Variants in SCEL observed in about 807,000 individuals in gnomAD.
SCEL encodes the protein sciellin.
SCEL carries 113 observed loss-of-function variants against 117.6 expected under a neutral mutation model. The ratio of observed to expected loss-of-function variants is 0.96; its 90% CI spans 0.83 to 1.12. The LOEUF is 1.12. SCEL is among the 50% of genes most tolerant of loss of function. The pLI, the probability that SCEL is intolerant of heterozygous loss-of-function variation, is 0.00. For synonymous variants in SCEL, 270 were observed against 256.2 expected, an observed-to-expected ratio of 1.05 and a Z score of -0.51; for missense variants, 785 against 810.8, an observed-to-expected ratio of 0.97 and a Z score of 0.39.
chr13:77,615,271 AATCTCACAGTCAT>A (rs369314812), intron 24 of SCEL, among the ~76,000 whole-genome samples: 8 of 152,112 alleles, frequency 5.3e-5, no homozygotes, highest in African/African-American at 1.9e-4. Context: ...CAGGGGCAAA[AATCTCACAGTCAT>A]CTGTGAGATC....
intron 5 of SCEL, 147 bp downstream of exon 5, chr13:77,564,046 A>T (rs2085141469): frequency 3.6e-6 from 2 of 561,034 alleles, no homozygotes; most frequent in Non-Finnish European, 3.0e-6. Flanking sequence ...TAAGAATTGA[A>T]TTATCTTCTT....
At chr13:77,557,117 A>G (rs186746123) in intron 3 of SCEL, among the ~76,000 whole-genome samples, 78 of 152,350 alleles carry the variant, frequency 5.1e-4, no homozygotes, top group Middle Eastern at 3.4e-3. Flanking sequence ...CAAATTTAAC[A>G]TATAAAATTT....
intron 10 of SCEL, among the ~76,000 whole-genome samples, chr13:77,589,427 C>T (rs2086745983): frequency 1.3e-5 from 2 of 152,070 alleles, no homozygotes; most frequent in Admixed American, 1.3e-4. Flanking sequence ...GCTAACTTGT[C>T]TTAAGAAAAT....
At chr13:77,609,482 G>A (rs1310231307) in intron 21 of SCEL, among the ~76,000 whole-genome samples, 1 of 152,188 alleles carries the variant, frequency 6.6e-6, no homozygotes, top group Non-Finnish European at 1.5e-5. Flanking sequence ...ACCTGTGTGT[G>A]CTCAAACTAG....
chr13:77,626,861 A>G (rs184082878), intron 27 of SCEL, among the ~76,000 whole-genome samples: 3 of 152,306 alleles, frequency 2.0e-5, no homozygotes, highest in African/African-American at 7.2e-5. Context: ...ACTTGGTCAC[A>G]GAAGTAAGGA....
intron 3 of SCEL, among the ~76,000 whole-genome samples, chr13:77,559,245 A>G (rs2084837848): frequency 6.6e-6 from 1 of 152,206 alleles, no homozygotes; most frequent in Non-Finnish European, 1.5e-5. Context: ...TTATTTTAAC[A>G]ACTAACTAGA....
intron 8 of SCEL, among the ~76,000 whole-genome samples, chr13:77,569,810 T>A (rs2085492995): frequency 6.6e-6 from 1 of 152,222 alleles, no homozygotes; most frequent in South Asian, 2.1e-4. Context: ...ATGCCGCCTC[T>A]GCTCTGTGGA....
chr13:77,542,399 C>CAACAAACA (rs139263630), intron 1 of SCEL, among the ~76,000 whole-genome samples: 69 of 151,874 alleles, frequency 4.5e-4, no homozygotes, highest in African/African-American at 1.3e-3. Flanking sequence ...GATTCCGTCT[C>CAACAAACA]AACAAACAAA....
At chr13:77,589,681 C>G (rs908621133) in intron 10 of SCEL, among the ~76,000 whole-genome samples, 2 of 152,146 alleles carry the variant, frequency 1.3e-5, no homozygotes, top group Non-Finnish European at 2.9e-5. Flanking sequence ...TGTTACCACT[C>G]AAATCCTTGC....
At chr13:77,639,018 A>C (rs927475191) in intron 30 of SCEL, among the ~76,000 whole-genome samples, 2 of 152,016 alleles carry the variant, frequency 1.3e-5, no homozygotes. Context: ...CTGTCCACGT[A>C]CCTGTATTCC....
intron 20 of SCEL, among the ~76,000 whole-genome samples, chr13:77,608,436 T>C (rs2088392476): frequency 1.3e-5 from 2 of 152,006 alleles, no homozygotes; most frequent in South Asian, 4.2e-4. Flanking sequence ...CGTGTCTCTA[T>C]AAAAAATACA....
At chr13:77,604,814 G>A (rs1340416504) in intron 19 of SCEL, among the ~76,000 whole-genome samples, 1 of 152,154 alleles carries the variant, frequency 6.6e-6, no homozygotes, top group Non-Finnish European at 1.5e-5. Flanking sequence ...GTGTATGTGA[G>A]TGTATGTGCA....
At chr13:77,598,564 C>T (rs947383873) in intron 13 of SCEL, among the ~76,000 whole-genome samples, 2 of 152,178 alleles carry the variant, frequency 1.3e-5, no homozygotes. Context: ...AGAGCAAATG[C>T]CCTGTCTGAG....
chr13:77,642,482 C>T (rs965682502), intron 31 of SCEL, among the ~76,000 whole-genome samples: 2 of 152,128 alleles, frequency 1.3e-5, no homozygotes, highest in Non-Finnish European at 2.9e-5. Flanking sequence ...ATAAATGCAC[C>T]TTTGTGTTTT....
chr13:77,583,663 G>T (rs945326422), intron 9 of SCEL, among the ~76,000 whole-genome samples: 1 of 152,162 alleles, frequency 6.6e-6, no homozygotes, highest in African/African-American at 2.4e-5. Flanking sequence ...AAAAACAAGG[G>T]ATTTAACATC....
chr13:77,637,087 T>C, intron 29 of SCEL, 33 bp from the exon 30 acceptor site: 2 of 1,116,418 alleles, frequency 1.8e-6, no homozygotes, highest in East Asian at 2.7e-5. Flanking sequence ...GAAAATCACC[T>C]GATTCTCACA....
intron 1 of SCEL, among the ~76,000 whole-genome samples, chr13:77,550,629 C>T (rs1319283072): frequency 1.3e-5 from 2 of 151,994 alleles, no homozygotes; most frequent in African/African-American, 2.4e-5. Context: ...TGTCCTCTTC[C>T]GTGTCTGGCT....
At chr13:77,610,554 A>C (rs1362673019) in intron 22 of SCEL, among the ~76,000 whole-genome samples, 1 of 152,118 alleles carries the variant, frequency 6.6e-6, no homozygotes, top group East Asian at 1.9e-4. Context: ...GTGTTCAAGC[A>C]CTTACCGAAG....
chr13:77,600,794 G>A (rs1413453775), intron 15 of SCEL, among the ~76,000 whole-genome samples: 1 of 152,124 alleles, frequency 6.6e-6, no homozygotes, highest in African/African-American at 2.4e-5. Context: ...TTCCAGATTG[G>A]CTGTTTACTT....
Sources: gnomAD v4.1 joint callset for allele counts (sites outside exome capture counted in the v4.1 genomes callset) on GRCh38, gnomAD v4.1.1 for gene constraint, MANE v1.5 for transcripts, NCBI Gene and HGNC (gene_info 2026-07-23, HGNC 2026-07-21) for gene names.